The following MET variants were observed in gnomAD, a reference collection of about 807,000 sequenced individuals.
MET encodes the protein hepatocyte growth factor receptor.
In MET, 48 loss-of-function variants were observed where a neutral mutation model predicts 133.1. That is an observed-to-expected ratio of 0.36 (90% CI 0.29 to 0.46). The LOEUF (loss-of-function observed/expected upper bound fraction) is 0.46. Among genes scored for constraint, MET ranks in the 20% least tolerant of loss-of-function variants. The pLI is 1.00. For missense variants in MET, 1,442 were observed against 1,695.9 expected (o/e 0.85, Z 2.63); for synonymous variants, 628 against 616.5 (o/e 1.02, Z -0.28).
intron 11 of MET, 126 bp from the exon 12 acceptor site, chr7:116,769,519 T>C (rs769320137): frequency 9.5e-5 from 112 of 1,175,216 alleles, no homozygotes; most frequent in Middle Eastern, 2.7e-4. Flanking sequence ...ATTAGTATCA[T>C]AGAATCGTGT....
At position 116,769,629 on chromosome 7, in the gene MET, T is replaced by C. The variant is rs766575983; in HGVS notation, c.2584-16T>C. The C allele has an allele frequency of 5.6e-6, 9 of 1,612,800 alleles. No individual in the cohort carries two copies. The Admixed American group carries it at 8.4e-5, about 15-fold the overall frequency. On this transcript the variant is annotated splice_polypyrimidine_tract_variant and intron_variant, in intron 11 of 20. Coordinates refer to ENST00000397752, the MANE Select transcript of MET (RefSeq NM_000245.4). ...TGTGAAGTGTTAACAACCTTTTTTT[T>C]TTTTTTTCCTTTCAGGGAAATGATA...
intron 2 of MET, among the ~76,000 whole-genome samples, chr7:116,707,742 C>T (rs1791853655): frequency 6.6e-6 from 1 of 152,110 alleles, no homozygotes; most frequent in Non-Finnish European, 1.5e-5. Context: ...GTATTTAGTG[C>T]TAATGCACTA....
chr7:116,789,295 T>G (rs905644783), intron 19 of MET, among the ~76,000 whole-genome samples: 7 of 152,210 alleles, frequency 4.6e-5, no homozygotes, highest in Admixed American at 6.5e-5. Flanking sequence ...CCACCTTTGA[T>G]TCTCTCTACC....
chr7:116,793,370 T>G (rs1238516911), intron 19 of MET, among the ~76,000 whole-genome samples: 1 of 151,768 alleles, frequency 6.6e-6, no homozygotes, highest in Non-Finnish European at 1.5e-5. Context: ...AGACAGGGTT[T>G]CACCATGTTG....
chr7:116,760,533 G>C (rs1157644794), intron 10 of MET, among the ~76,000 whole-genome samples: 2 of 152,114 alleles, frequency 1.3e-5, no homozygotes, highest in Non-Finnish European at 2.9e-5. Flanking sequence ...ACTCAACTCA[G>C]AATGAAAGTT....
chr7:116,697,529 T>A (rs1261761288), intron 1 of MET, among the ~76,000 whole-genome samples: 1 of 152,218 alleles, frequency 6.6e-6, no homozygotes. Context: ...AAAATTATTT[T>A]TGATTTGGAG....
intron 6 of MET, 57 bp from the exon 7 acceptor site, chr7:116,757,380 C>G (rs2116918902): frequency 7.0e-7 from 1 of 1,419,442 alleles, no homozygotes; most frequent in Non-Finnish European, 9.9e-7. Context: ...TATAAAACAA[C>G]CTAACCAGAA....
intron 1 of MET, among the ~76,000 whole-genome samples, chr7:116,684,266 G>T (rs1796465415): frequency 6.6e-6 from 1 of 152,060 alleles, no homozygotes; most frequent in Admixed American, 6.5e-5. Context: ...GTATAATCTA[G>T]TCCTTCCTTT....
At chr7:116,676,210 T>C (rs1232807514) in intron 1 of MET, among the ~76,000 whole-genome samples, 1 of 152,238 alleles carries the variant, frequency 6.6e-6, no homozygotes, top group African/African-American at 2.4e-5. Context: ...TTACTCCCAT[T>C]GATTTTAATT....
intron 8 of MET, among the ~76,000 whole-genome samples, chr7:116,758,042 T>C (rs1794256963): frequency 6.6e-6 from 1 of 152,182 alleles, no homozygotes; most frequent in East Asian, 1.9e-4. Flanking sequence ...GGATCTTAGC[T>C]ATACTATGAG....
rs560500537 is a variant in MET at position 116,766,030 on chromosome 7, C to T, written c.2583+2762C>T. Among the ~76,000 whole-genome samples the T allele has an allele frequency of 2.0e-5, 3 of 152,278 alleles. No homozygotes were observed. In the East Asian group the frequency reaches 5.8e-4, roughly 29 times the overall value. On this transcript the variant is annotated intron_variant, in intron 11 of 20. Transcript: ENST00000397752. ...AAAATACCATTATAGAGACACTTTT[C>T]TATCATATGCTATTTATATATCTAT...
intron 12 of MET, among the ~76,000 whole-genome samples, chr7:116,771,235 G>T (rs1483523557): frequency 6.6e-6 from 1 of 152,104 alleles, no homozygotes; most frequent in East Asian, 1.9e-4. Flanking sequence ...TTCAGTTCCT[G>T]TTTTTTGTAC....
chr7:116,681,812 T>C (rs1796370901), intron 1 of MET, among the ~76,000 whole-genome samples: 1 of 152,196 alleles, frequency 6.6e-6, no homozygotes, highest in Non-Finnish European at 1.5e-5. Context: ...TATGATCACT[T>C]AGGACCTAGG....
chr7:116,770,236 C>G (rs1197407327), intron 12 of MET, among the ~76,000 whole-genome samples: 1 of 152,124 alleles, frequency 6.6e-6, no homozygotes, highest in African/African-American at 2.4e-5. Context: ...TTTACAGTAA[C>G]TTTTTTCGTG....
chr7:116,756,716 C>T (rs1301801700), intron 6 of MET, among the ~76,000 whole-genome samples: 1 of 152,180 alleles, frequency 6.6e-6, no homozygotes, highest in African/African-American at 2.4e-5. Context: ...ACAAGTATAA[C>T]CACAGAAATG....
intron 2 of MET, among the ~76,000 whole-genome samples, chr7:116,713,767 G>A (rs1792090306): frequency 1.3e-5 from 2 of 152,294 alleles, no homozygotes; most frequent in South Asian, 2.1e-4. Flanking sequence ...GGGCTTGAAC[G>A]ATATATTGGG....
At chr7:116,788,290 C>T (rs1735402544) in intron 19 of MET, among the ~76,000 whole-genome samples, 1 of 152,164 alleles carries the variant, frequency 6.6e-6, no homozygotes, top group South Asian at 2.1e-4. Flanking sequence ...TACTAAACAT[C>T]ATTTAATCAC....
chr7:116,757,847 G>C lies in MET; in HGVS notation c.2102+73G>C. On this transcript the variant is annotated intron_variant, in intron 8 of 20. Coordinates refer to ENST00000397752, the MANE Select transcript of MET (RefSeq NM_000245.4). The stretch of plus-strand genomic sequence containing the variant: ...CTGTACCTTAAAAATTAAGCAGATT[G>C]TTTTGTGTGTGTGTGTGGAGAAGAA... 7 of 1,512,320 alleles carry C rather than the reference G, an allele frequency of 4.6e-6. No homozygotes were observed. The South Asian group carries it at 7.9e-5, about 17-fold the overall frequency. The allele number at this position is 1,512,320 out of a possible 1,614,324, so 93.7% of individuals were successfully genotyped here. A position where few individuals can be genotyped will look rare whatever the true frequency, so the allele number is the denominator to read the frequency against.
At chr7:116,766,029 T>C (rs928423686) in intron 11 of MET, among the ~76,000 whole-genome samples, 1 of 152,228 alleles carries the variant, frequency 6.6e-6, no homozygotes, top group Admixed American at 6.5e-5. Context: ...GAGACACTTT[T>C]CTATCATATG....
Sources: gnomAD v4.1 joint callset for allele counts (sites outside exome capture counted in the v4.1 genomes callset) on GRCh38, gnomAD v4.1.1 for gene constraint, MANE v1.5 for transcripts, NCBI Gene and HGNC (gene_info 2026-07-23, HGNC 2026-07-21) for gene names.